UBXN7: variants seen among roughly 807,000 people sequenced by gnomAD.
UBXN7 encodes UBX domain-containing protein 7.
In UBXN7, 9 loss-of-function variants were observed where a neutral mutation model predicts 58.0. The ratio of observed to expected loss-of-function variants is 0.16; its 90% confidence interval spans 0.09 to 0.27. The LOEUF (loss-of-function observed/expected upper bound fraction) is 0.27. UBXN7 is among the 10% of genes least tolerant of loss of function. The pLI, the probability that UBXN7 is intolerant of heterozygous loss-of-function variation, is 1.00. For synonymous variants in UBXN7, 208 were observed against 205.0 expected, an observed-to-expected ratio of 1.01 and a Z score of -0.12; for missense variants, 328 against 599.6, an observed-to-expected ratio of 0.55 and a Z score of 4.73.
At chr3:196,391,784 G>A in intron 5 of UBXN7, 29 bp downstream of exon 5, 1 of 1,524,718 alleles carries the variant, frequency 6.6e-7, no homozygotes, top group Non-Finnish European at 9.0e-7. Context: ...AGGATTCATA[G>A]TTAAGGCACT....
chr3:196,410,233 C>G lies in UBXN7; in HGVS notation c.74-2840G>C, dbSNP rs540931828. The stretch of plus-strand genomic sequence containing the variant: ...GGGATTACAGGAGTGAGCCACCACA[C>G]TTGGCCTAAAAAATGTTTTTTAAAT... On this transcript the variant is annotated intron_variant, in intron 1 of 10. Transcript: ENST00000296328. Among the ~76,000 whole-genome samples, 18 of 152,302 alleles carry G rather than the reference C, an allele frequency of 1.2e-4. No homozygotes were observed. In the South Asian group the frequency reaches 2.1e-3, roughly 18 times the overall value.
chr3:196,429,807 C>G (rs1349902396), intron 1 of UBXN7, among the ~76,000 whole-genome samples: 4 of 152,178 alleles, frequency 2.6e-5, no homozygotes, highest in African/African-American at 9.7e-5. Context: ...GAAGAACACT[C>G]AAAGGTATTT....
chr3:196,357,878 T>C (rs1728393477), intron 10 of UBXN7, among the ~76,000 whole-genome samples: 2 of 144,332 alleles, frequency 1.4e-5, no homozygotes, highest in Admixed American at 6.9e-5. Context: ...AAAATAAAAA[T>C]AAAAACTAGC....
At chr3:196,377,045 CAA>C (rs1159006266) in intron 5 of UBXN7, among the ~76,000 whole-genome samples, 42 of 69,224 alleles carry the variant, frequency 6.1e-4, no homozygotes, top group Admixed American at 8.6e-4. Flanking sequence ...GACTCTGTCT[CAA>C]AAAAAAAAAA....
rs1729587196 is a variant in UBXN7 at position 196,391,690 on chromosome 3, T to C, written c.468+123A>G. On this transcript the variant is annotated intron_variant, in intron 5 of 10. Transcript: ENST00000296328. ...TCAAGGCTGCAGTGAGCTATGATTGTGTCACTGCAGTCCAGCCTGGACGAC... is the reference window on the plus strand; with the variant it reads ...TCAAGGCTGCAGTGAGCTATGATTGCGTCACTGCAGTCCAGCCTGGACGAC... 4 of 635,578 alleles carry C rather than the reference T, an allele frequency of 6.3e-6. No individual in the cohort carries two copies. The East Asian group carries it at 1.2e-4, about 19-fold the overall frequency. The allele number at this position is 635,578 out of a possible 1,614,324, so 39.4% of individuals were successfully genotyped here.
intron 1 of UBXN7, among the ~76,000 whole-genome samples, chr3:196,412,230 C>CA (rs55746914): frequency 0.57 from 50,923 of 89,108 alleles, 14,121 homozygotes; most frequent in East Asian, 0.83. Flanking sequence ...GACTTTGTCT[C>CA]AAAAAAAAAA....
rs1426067598 is a variant in UBXN7, at chr3:196,355,895, G to C, written c.*790C>G. On this transcript the variant is annotated 3_prime_UTR_variant, in exon 11 of 11. Transcript: ENST00000296328. Reference sequence around the variant, plus strand: ...AAATAGCAAGCACCTTCCTATCCCAGTCACCACGATAGGTTCACTTCATGT... The same window carrying C: ...AAATAGCAAGCACCTTCCTATCCCACTCACCACGATAGGTTCACTTCATGT... The C allele has an allele frequency of 4.6e-5, 7 of 152,182 alleles. No homozygotes were observed. The highest frequency in any genetic ancestry group is 1.7e-4 in the African/African-American group (7 of 41,426). 9.4% of individuals were successfully genotyped at this position (152,182 alleles called of 1,614,324 possible). A position where few individuals can be genotyped will look rare whatever the true frequency, so the allele number is the denominator to read the frequency against.
At chr3:196,420,317 G>T (rs1730640504) in intron 1 of UBXN7, among the ~76,000 whole-genome samples, 2 of 152,058 alleles carry the variant, frequency 1.3e-5, no homozygotes, top group Non-Finnish European at 2.9e-5. Flanking sequence ...TGGATCACCT[G>T]AAGTCAGAAG....
In UBXN7 at chr3:196,350,173, A is replaced by G. The variant is rs532928429; in HGVS notation, c.*6512T>C. ...TACTTTCTCATTACAGGAATGCTAA[A>G]TTATGTTTATTAAAGTAGTTCAAAT... On this transcript the variant is annotated 3_prime_UTR_variant, in exon 11 of 11. Transcript: ENST00000296328. 11 of 152,370 alleles carry G rather than the reference A, an allele frequency of 7.2e-5. No individual in the cohort carries two copies. Among genetic ancestry groups the G allele is most frequent in the African/African-American group, 2.2e-4 (9 of 41,586 alleles). 9.4% of individuals were successfully genotyped at this position (152,370 alleles called of 1,614,324 possible). A position where few individuals can be genotyped will look rare whatever the true frequency, so the allele number is the denominator to read the frequency against.
At chr3:196,424,736 G>A (rs1243260606) in intron 1 of UBXN7, among the ~76,000 whole-genome samples, 1 of 125,898 alleles carries the variant, frequency 7.9e-6, no homozygotes, top group Non-Finnish European at 1.6e-5. Context: ...ACAGAGTCTC[G>A]CTGTCGCCCA....
chr3:196,422,739 CTAT>C (rs1730726896), intron 1 of UBXN7, among the ~76,000 whole-genome samples: 1 of 152,052 alleles, frequency 6.6e-6, no homozygotes, highest in Non-Finnish European at 1.5e-5. Context: ...GTTAATATAA[CTAT>C]TATTATATGA....
chr3:196,420,627 T>A (rs1314384137), intron 1 of UBXN7, among the ~76,000 whole-genome samples: 1 of 152,108 alleles, frequency 6.6e-6, no homozygotes. Flanking sequence ...AATCCAGTCA[T>A]CTATACTCCA....
intron 1 of UBXN7, chr3:196,431,801 C>T: frequency 4.7e-6 from 2 of 424,568 alleles, no homozygotes; most frequent in Non-Finnish European, 4.7e-6. Context: ...GCCGTGAAGG[C>T]GGGAGGGCCC....
At chr3:196,364,937 C>T (rs998347809) in intron 8 of UBXN7, among the ~76,000 whole-genome samples, 1 of 152,030 alleles carries the variant, frequency 6.6e-6, no homozygotes, top group Non-Finnish European at 1.5e-5. Context: ...ATGTGACATG[C>T]AATGGCTTAG....
At chr3:196,432,031 G>A (rs1021779339) in intron 1 of UBXN7, 2 of 546,772 alleles carry the variant, frequency 3.7e-6, no homozygotes, top group Non-Finnish European at 6.6e-6. Context: ...CCGGGTCCCC[G>A]GGCCGGCGGG....
intron 5 of UBXN7, among the ~76,000 whole-genome samples, chr3:196,383,254 A>C (rs1729271712): frequency 6.6e-6 from 1 of 152,236 alleles, no homozygotes; most frequent in Non-Finnish European, 1.5e-5. Context: ...CAACAAGAAG[A>C]GCTAACTATC....
At position 196,432,356 on chromosome 3, in the gene UBXN7, C is replaced by G. The variant is rs2108631771; in HGVS notation, c.44G>C (p.Gly15Ala). ...AATGGTGGTGAACTGTTGAATTAAC[C>G]CCTTCAGCGCCGAGGACGCCGCGGA... ...GGSAASSALK[G>A]LIQQFTTITG... Residue 15 changes from glycine (G) to alanine (A), a missense_variant, in exon 1 of 11, where the codon GGG (glycine) becomes GCG (alanine). Transcript: ENST00000296328. 6.3e-7 allele frequency: 1 copy of G among 1,598,656 alleles called. No individual in the cohort carries two copies. The highest frequency in any genetic ancestry group is 2.3e-5 in the East Asian group (1 of 44,440).
chr3:196,420,083 C>A (rs770264094), intron 1 of UBXN7, among the ~76,000 whole-genome samples: 4 of 151,984 alleles, frequency 2.6e-5, no homozygotes, highest in Admixed American at 6.6e-5. Flanking sequence ...ACCTATGCAC[C>A]CAAGAGGGAC....
Position 196,352,174 on chromosome 3 carries a change from A to G in UBXN7, c.*4511T>C, listed in dbSNP as rs139785991. 1 of 152,370 alleles carries G rather than the reference A, an allele frequency of 6.6e-6. No individual in the cohort carries two copies. The highest frequency in any genetic ancestry group is 1.9e-4 in the East Asian group (1 of 5,190). 9.4% of individuals were successfully genotyped at this position (152,370 alleles called of 1,614,324 possible). On this transcript the variant is annotated 3_prime_UTR_variant, in exon 11 of 11. Transcript: ENST00000296328. This position sits in a 1 kb window ranked among gnomAD's most constrained non-coding sequence, Gnocchi z 4.1. ...TTTTTCTAAGTTTGAACTAATAGGT[A>G]AACATTTACATGCTCTCCAATTATT... is the stretch of plus-strand genomic sequence containing the variant.
Sources: gnomAD v4.1 joint callset for allele counts (sites outside exome capture counted in the v4.1 genomes callset) on GRCh38, gnomAD v4.1.1 for gene constraint, Gnocchi (gnomAD v3.1) non-coding constraint, MANE v1.5 for transcripts, NCBI Gene and HGNC (gene_info 2026-07-23, HGNC 2026-07-21) for gene names.